KLHL18: variants seen among roughly 807,000 people sequenced by gnomAD.
KLHL18 encodes kelch like family member 18.
Under a neutral mutation model 58.5 loss-of-function variants are expected in KLHL18, and 38 were observed. The observed-to-expected ratio is 0.65, with a 90% CI of 0.50 to 0.85. The LOEUF (loss-of-function observed/expected upper bound fraction) is 0.85. Ranked by LOEUF, KLHL18 falls within the 40% of genes least tolerant of loss-of-function variation. The probability of loss-of-function intolerance (pLI) is 0.00; values close to 1 mark genes in which losing one functional copy is unlikely to be tolerated. For synonymous variants in KLHL18, 303 were observed against 301.9 expected, an observed-to-expected ratio of 1.00 and a Z score of -0.04; for missense variants, 624 against 778.4, an observed-to-expected ratio of 0.80 and a Z score of 2.36.
At chr3:47,320,688 C>T (rs999458406) in intron 2 of KLHL18, among the ~76,000 whole-genome samples, 47 of 152,160 alleles carry the variant, frequency 3.1e-4, no homozygotes, top group African/African-American at 1.0e-3. Flanking sequence ...GAGGTCAAGG[C>T]GGGAGGATTG....
rs562787414 is a variant in KLHL18 at position 47,293,768 on chromosome 3, G to T, written c.129+10674G>T. 2.6e-5 allele frequency among the ~76,000 whole-genome samples: 4 copies of T among 152,090 alleles called. No individual in the cohort carries two copies. The South Asian group carries it at 8.3e-4, about 32-fold the overall frequency. On this transcript the variant is annotated intron_variant, in intron 1 of 9. Coordinates refer to ENST00000232766, the MANE Select transcript of KLHL18 (RefSeq NM_025010.5). ...TAATTCTACCCCATTTGTCCTGTGG[G>T]TCCTCATACTCATTATGTCTAAAGT...
intron 1 of KLHL18, among the ~76,000 whole-genome samples, chr3:47,304,351 A>T (rs1184904088): frequency 6.6e-6 from 1 of 151,988 alleles, no homozygotes; most frequent in Non-Finnish European, 1.5e-5. Flanking sequence ...CAAAATAAAA[A>T]ATTAGCTGGG....
chr3:47,295,658 C>G (rs1702880369), intron 1 of KLHL18, among the ~76,000 whole-genome samples: 1 of 152,050 alleles, frequency 6.6e-6, no homozygotes, highest in Admixed American at 6.6e-5. Context: ...ACCTCGAATT[C>G]CTGGGCTCAA....
At chr3:47,312,953 A>G (rs1336524565) in intron 1 of KLHL18, among the ~76,000 whole-genome samples, 4 of 127,792 alleles carry the variant, frequency 3.1e-5, no homozygotes, top group Non-Finnish European at 4.6e-5. Flanking sequence ...TCTGTCGCCC[A>G]GGCTGGAGTG....
At chr3:47,332,146 T>C (rs1703878488) in intron 4 of KLHL18, among the ~76,000 whole-genome samples, 1 of 152,072 alleles carries the variant, frequency 6.6e-6, no homozygotes, top group African/African-American at 2.4e-5. Context: ...GCTCAGGAGT[T>C]TGAGACCAGC....
At chr3:47,342,913 T>G in intron 9 of KLHL18, 83 bp downstream of exon 9, 1 of 1,064,432 alleles carries the variant, frequency 9.4e-7, no homozygotes, top group Non-Finnish European at 1.4e-6. Context: ...TGAAAAAACT[T>G]CAGCCTTGCC....
intron 1 of KLHL18, among the ~76,000 whole-genome samples, chr3:47,317,433 G>C (rs1385600667): frequency 1.3e-5 from 2 of 152,094 alleles, no homozygotes; most frequent in African/African-American, 4.8e-5. Context: ...CTTTCTACCA[G>C]AACAAGTGAA....
At chr3:47,290,678 T>C (rs1702773882) in intron 1 of KLHL18, among the ~76,000 whole-genome samples, 1 of 152,076 alleles carries the variant, frequency 6.6e-6, no homozygotes, top group Non-Finnish European at 1.5e-5. Context: ...TCTAGGCTGG[T>C]CTCAAACTCC....
chr3:47,291,123 C>T (rs1361511285), intron 1 of KLHL18, among the ~76,000 whole-genome samples: 1 of 152,182 alleles, frequency 6.6e-6, no homozygotes, highest in Admixed American at 6.5e-5. Context: ...CAGACGGTTC[C>T]TTTATTATTC....
intron 1 of KLHL18, 74 bp downstream of exon 1, chr3:47,283,168 G>A: frequency 2.7e-6 from 3 of 1,109,878 alleles, no homozygotes; most frequent in Middle Eastern, 2.3e-4. Flanking sequence ...GGGGGACAGA[G>A]AAAGAGAGGT....
chr3:47,288,220 CAAAAAAAAAAAA>C (rs768468646), intron 1 of KLHL18, among the ~76,000 whole-genome samples: 2 of 44,632 alleles, frequency 4.5e-5, no homozygotes, highest in African/African-American at 7.9e-5. Context: ...ACTCTGTCTC[CAAAAAAAAAAAA>C]AAAAAAAAAA....
chr3:47,304,758 T>C lies in KLHL18; in HGVS notation c.130-14895T>C, dbSNP rs1287252294. Among the ~76,000 whole-genome samples, 4 of 152,300 alleles carry C rather than the reference T, an allele frequency of 2.6e-5. No homozygotes were observed. In the East Asian group the frequency reaches 7.7e-4, roughly 29 times the overall value. On this transcript the variant is annotated intron_variant, in intron 1 of 9. Coordinates refer to ENST00000232766, the MANE Select transcript of KLHL18 (RefSeq NM_025010.5). ...ATAATGTCAGGCCAGGCGCTGTGGC[T>C]CACACTTGTAATCCCAACACTTTGG... is the stretch of plus-strand genomic sequence containing the variant.
Position 47,282,989 on chromosome 3 carries a change from GCTGGAGGAT to G in KLHL18, c.29_37del (p.Glu10_Leu12del), listed in dbSNP as rs1559480320. The G allele has an allele frequency of 1.9e-6, 3 of 1,611,216 alleles. No homozygotes were observed. In the Admixed American group the frequency reaches 5.0e-5, roughly 27 times the overall value. On this transcript the variant is annotated inframe_deletion, in exon 1 of 10. Transcript: ENST00000232766. ...AGATGGTGGAGGACGGCGCGGAGGA[GCTGGAGGAT>G]CTGGTGCACTTCTCCGTGTCTGAGT...
chr3:47,285,785 G>A (rs962972761), intron 1 of KLHL18, among the ~76,000 whole-genome samples: 8 of 152,258 alleles, frequency 5.3e-5, no homozygotes, highest in Non-Finnish European at 7.4e-5. Context: ...AGTGGCTCAC[G>A]CCTGTAATCC....
intron 7 of KLHL18, chr3:47,338,532 TAGC>T (rs1328006403): frequency 6.6e-6 from 1 of 152,188 alleles, no homozygotes; most frequent in Non-Finnish European, 1.5e-5. Context: ...ATTTAAAAGG[TAGC>T]AGCAAGCCAG....
intron 1 of KLHL18, among the ~76,000 whole-genome samples, chr3:47,290,994 C>A (rs1371866326): frequency 1.3e-5 from 2 of 152,120 alleles, no homozygotes; most frequent in Non-Finnish European, 2.9e-5. Flanking sequence ...CCTGGACTAT[C>A]CGTTACCAGT....
intron 1 of KLHL18, among the ~76,000 whole-genome samples, chr3:47,310,914 A>G (rs897213451): frequency 9.9e-5 from 15 of 152,064 alleles, no homozygotes; most frequent in Non-Finnish European, 1.8e-4. Context: ...CTGGACTCCT[A>G]GCTGCCACTC....
In KLHL18 at chr3:47,283,459, C is replaced by T. The variant is rs1189275509; in HGVS notation, c.129+365C>T. ...CATGCTGATGGGCACCACTGAAGAA[C>T]CTTCTCTTGTCACTACAGATATTTC... On this transcript the variant is annotated intron_variant, in intron 1 of 9. Transcript: ENST00000232766. 1.1e-4 allele frequency: 32 copies of T among 298,236 alleles called. 1 individual carries two copies. In the East Asian group the frequency reaches 2.2e-3, roughly 21 times the overall value. The allele number at this position is 298,236 out of a possible 1,614,324, so 18.5% of individuals were successfully genotyped here.
At chr3:47,335,643 G>T (rs1703967145) in intron 6 of KLHL18, among the ~76,000 whole-genome samples, 1 of 152,132 alleles carries the variant, frequency 6.6e-6, no homozygotes, top group African/African-American at 2.4e-5. Flanking sequence ...GAGTAGCTGA[G>T]ACTACAAGCT....
Sources: gnomAD v4.1 joint callset for allele counts (sites outside exome capture counted in the v4.1 genomes callset) on GRCh38, gnomAD v4.1.1 for gene constraint, MANE v1.5 for transcripts, NCBI Gene and HGNC (gene_info 2026-07-23, HGNC 2026-07-21) for gene names.